The following DHX29 variants were observed in gnomAD, a reference collection of about 807,000 sequenced individuals.
DHX29 encodes ATP-dependent RNA helicase DHX29.
DHX29 carries 79 observed loss-of-function variants against 167.9 expected under a neutral mutation model. The observed-to-expected ratio is 0.47, with a 90% confidence interval of 0.39 to 0.57. The LOEUF is 0.57. Among genes scored for constraint, DHX29 ranks in the 20% least tolerant of loss-of-function variants. The pLI, the probability that DHX29 is intolerant of heterozygous loss-of-function variation, is 0.00. For missense variants in DHX29, 1,347 were observed against 1,593.4 expected (o/e 0.85, Z 2.63); for synonymous variants, 530 against 546.0 (o/e 0.97, Z 0.41).
intron 8 of DHX29, among the ~76,000 whole-genome samples, chr5:55,288,476 C>T (rs1747861432): frequency 6.6e-6 from 1 of 151,036 alleles, no homozygotes; most frequent in South Asian, 2.1e-4. Context: ...ATAACTAAAA[C>T]ACTTCCATAG....
Position 55,297,157 on chromosome 5 carries a change from A to T in DHX29, c.375+128T>A. The T allele has an allele frequency of 5.0e-6, 3 of 601,684 alleles. No homozygotes were observed. The East Asian group carries it at 8.5e-5, about 17-fold the overall frequency. The allele number at this position is 601,684 out of a possible 1,614,324, so 37.3% of individuals were successfully genotyped here. A position where few individuals can be genotyped will look rare whatever the true frequency, so the allele number is the denominator to read the frequency against. ...TTAAGGTGTGCACAATTCTTTCTCT[A>T]TTCTTAGAGATGGAAATGATCTACA... On this transcript the variant is annotated intron_variant, in intron 3 of 26. Coordinates refer to ENST00000251636, the MANE Select transcript of DHX29 (RefSeq NM_019030.4).
chr5:55,278,583 A>C (rs1405374971), intron 12 of DHX29, among the ~76,000 whole-genome samples: 5 of 152,218 alleles, frequency 3.3e-5, no homozygotes, highest in Non-Finnish European at 5.9e-5. Flanking sequence ...TCTTCCTTTG[A>C]GTTTTCAGTG....
chr5:55,293,910 T>G, intron 6 of DHX29, 107 bp downstream of exon 6: 1 of 1,269,298 alleles, frequency 7.9e-7, no homozygotes, highest in Non-Finnish European at 1.1e-6. Flanking sequence ...CATCAACCCC[T>G]TGGAGGTACA....
At chr5:55,283,067 A>C in intron 11 of DHX29, 136 bp downstream of exon 11, 1 of 887,618 alleles carries the variant, frequency 1.1e-6, no homozygotes, top group South Asian at 2.3e-5. Flanking sequence ...GAAAATGTGA[A>C]AAGTGCCTGA....
chr5:55,268,274 C>T lies in DHX29; in HGVS notation c.3295-452G>A, dbSNP rs141155250. Among the ~76,000 whole-genome samples the T allele has an allele frequency of 3.5e-4, 53 of 152,276 alleles. No individual in the cohort carries two copies. In the East Asian group the frequency reaches 9.6e-3, roughly 28 times the overall value. ...TTTAAAAATAATTTGGACTACATAA[C>T]AATCCATTTGTTGTTGTAGGTTTTC... is the stretch of plus-strand genomic sequence containing the variant. On this transcript the variant is annotated intron_variant, in intron 21 of 26. Coordinates refer to ENST00000251636, the MANE Select transcript of DHX29 (RefSeq NM_019030.4).
intron 1 of DHX29, among the ~76,000 whole-genome samples, chr5:55,305,727 G>A (rs1326608556): frequency 6.6e-6 from 1 of 152,196 alleles, no homozygotes; most frequent in African/African-American, 2.4e-5. Context: ...CAAGGAAGTC[G>A]AAGAAAAAGT....
chr5:55,298,289 TA>T (rs959393805), intron 2 of DHX29, among the ~76,000 whole-genome samples: 9 of 152,190 alleles, frequency 5.9e-5, no homozygotes, highest in African/African-American at 2.2e-4. Flanking sequence ...TCCCATGAAC[TA>T]AAATATTAAG....
intron 6 of DHX29, among the ~76,000 whole-genome samples, chr5:55,291,108 T>C (rs115554038): frequency 1.3e-5 from 2 of 152,310 alleles, no homozygotes; most frequent in Non-Finnish European, 2.9e-5. Flanking sequence ...ATATCTCTTA[T>C]CTTATGGAAG....
At position 55,290,239 on chromosome 5, in the gene DHX29, T is replaced by C; in HGVS notation, c.886A>G (p.Lys296Glu). 3 of 1,609,748 alleles carry C rather than the reference T, an allele frequency of 1.9e-6. No homozygotes were observed. Among genetic ancestry groups the C allele is most frequent in the Non-Finnish European group, 2.5e-6 (3 of 1,179,340 alleles). Residue 296 changes from lysine (K) to glutamate (E), a missense_variant, in exon 7 of 27, where the codon AAA (lysine) becomes GAA (glutamate). Physicochemically the swap from Lys to Glu is moderately conservative, Grantham distance 56. Coordinates refer to ENST00000251636, the MANE Select transcript of DHX29 (RefSeq NM_019030.4). Reference sequence around the variant, plus strand: ...TTACCTCTTTGAAATTTCCTTATTTTTTCCTGAGCCTCTTTTTGGCCTTGC... The same window carrying C: ...TTACCTCTTTGAAATTTCCTTATTTCTTCCTGAGCCTCTTTTTGGCCTTGC... ...NKQGQKEAQE[K>E]IRKFQREMET... is the part of the protein sequence containing the mutation.
In DHX29 at chr5:55,276,421, G is replaced by A; in HGVS notation, c.2287-15C>T. 1 of 1,563,998 alleles carries A rather than the reference G, an allele frequency of 6.4e-7. No individual in the cohort carries two copies. Among genetic ancestry groups the A allele is most frequent in the Non-Finnish European group, 8.6e-7 (1 of 1,159,140 alleles). On this transcript the variant is annotated splice_polypyrimidine_tract_variant and intron_variant, in intron 13 of 26. Coordinates refer to ENST00000251636, the MANE Select transcript of DHX29 (RefSeq NM_019030.4). ...AGATGAAAAACCTGCATAGAATAAG[G>A]CATATAAATGGGTGAATTCAAATTC...
chr5:55,259,076 G>T (rs1456453657), intron 26 of DHX29, among the ~76,000 whole-genome samples: 1 of 151,954 alleles, frequency 6.6e-6, no homozygotes, highest in Non-Finnish European at 1.5e-5. Context: ...TAACTCCTGG[G>T]CTCAAGCAAT....
intron 23 of DHX29, among the ~76,000 whole-genome samples, chr5:55,266,332 G>A (rs450944): frequency 0.041 from 5,842 of 144,030 alleles, 176 homozygotes; most frequent in Non-Finnish European, 0.054. Flanking sequence ...TTTTTGAGAC[G>A]GAGTTTTGCT....
rs1246430945 is a variant in DHX29, at chr5:55,294,111, A to G, written c.686T>C (p.Met229Thr). 6.2e-7 allele frequency: 1 copy of G among 1,600,740 alleles called. No homozygotes were observed. Reference sequence around the variant, plus strand: ...AGCATATCGTAAAATCCACTCTTTCATATTTACTTCCATATTTTTTTCTTC... The same window carrying G: ...AGCATATCGTAAAATCCACTCTTTCGTATTTACTTCCATATTTTTTTCTTC... ...KKEEKNMEVN[M>T]KEWILRYAEQ... The change falls in exon 6 of 27, where the codon ATG becomes ACG. Residue 229 changes from methionine (M) to threonine (T), a missense_variant. Transcript: ENST00000251636.
chr5:55,298,540 G>T, intron 2 of DHX29, 51 bp downstream of exon 2: 1 of 1,134,498 alleles, frequency 8.8e-7, no homozygotes, highest in Non-Finnish European at 1.3e-6. Flanking sequence ...TTTTTTGGGG[G>T]AAAAAAGGGG....
chr5:55,290,504 GCA>G (rs2111932958), intron 6 of DHX29, among the ~76,000 whole-genome samples, 160 bp from the exon 7 acceptor site: 1 of 152,280 alleles, frequency 6.6e-6, no homozygotes, highest in Non-Finnish European at 1.5e-5. Flanking sequence ...TAAAACAAAT[GCA>G]CAGATTTGCA....
rs188969569 is a variant in DHX29 at position 55,267,669 on chromosome 5, C to T, written c.3431+17G>A. ...CAGGTAATTGGCTTACTGATAACAG[C>T]CAGATTATGTTTTTACCCTAGATAT... is the stretch of plus-strand genomic sequence containing the variant. On this transcript the variant is annotated intron_variant, in intron 22 of 26. Transcript: ENST00000251636. The T allele has an allele frequency of 1.5e-3, 2,385 of 1,584,136 alleles. 6 individuals are homozygous for T. The highest frequency in any genetic ancestry group is 1.4e-3 in the Non-Finnish European group (1,576 of 1,164,896).
intron 6 of DHX29, 85 bp downstream of exon 6, chr5:55,293,932 C>A: frequency 6.9e-7 from 1 of 1,451,204 alleles, no homozygotes; most frequent in African/African-American, 1.4e-5. Flanking sequence ...TTCCAATTTA[C>A]AAATGAGCAA....
intron 4 of DHX29, 128 bp from the exon 5 acceptor site, chr5:55,295,652 C>A: frequency 1.2e-6 from 1 of 864,972 alleles, no homozygotes; most frequent in Non-Finnish European, 1.7e-6. Flanking sequence ...TCCCTCATCT[C>A]CTAAGAATAG....
chr5:55,269,169 C>T (rs572382725), intron 21 of DHX29, among the ~76,000 whole-genome samples: 1 of 150,058 alleles, frequency 6.7e-6, no homozygotes, highest in South Asian at 2.1e-4. Context: ...ACTTGAACCC[C>T]GGAGGCAGAG....
Sources: allele counts gnomAD v4.1 joint callset (sites outside exome capture counted in the v4.1 genomes callset), GRCh38; gene constraint gnomAD v4.1.1; transcripts MANE v1.5; gene names NCBI Gene and HGNC (gene_info 2026-07-23, HGNC 2026-07-21).